The following IGF2R variants were observed in gnomAD, a reference collection of about 807,000 sequenced individuals.
The protein encoded by IGF2R is cation-independent mannose-6-phosphate receptor.
A neutral mutation model predicts 270.6 loss-of-function variants in IGF2R; 91 were observed. The observed-to-expected ratio is 0.34, with a 90% CI of 0.28 to 0.40. The LOEUF (loss-of-function observed/expected upper bound fraction) is 0.40, where lower values mean the gene tolerates loss of function less well. IGF2R is among the 10% of genes least tolerant of loss of function. IGF2R has a pLI of 1.00. For missense variants in IGF2R, 2,805 were observed against 3,188.3 expected, an observed-to-expected ratio of 0.88 and a Z score of 2.90; for synonymous variants, 1,316 against 1,258.9, an observed-to-expected ratio of 1.05 and a Z score of -0.96.
chr6:159,993,899 C>T (rs569099588), intron 2 of IGF2R, among the ~76,000 whole-genome samples: 1 of 150,444 alleles, frequency 6.6e-6, no homozygotes, highest in Non-Finnish European at 1.5e-5. Flanking sequence ...CTATAGTTTT[C>T]CTTTTTTGTT....
Position 160,078,256 on chromosome 6 carries a change from C to A in IGF2R, c.5372C>A (p.Thr1791Asn), listed in dbSNP as rs1210449057. 6.2e-7 allele frequency: 1 copy of A among 1,614,204 alleles called. No homozygotes were observed. Among genetic ancestry groups the A allele is most frequent in the Non-Finnish European group, 8.5e-7 (1 of 1,180,004 alleles). Residue 1791 changes from threonine (T) to asparagine (N), a missense_variant, in exon 37 of 48, where the codon ACT becomes AAT. By Grantham distance (65) the Thr-to-Asn change is moderately conservative. Coordinates refer to ENST00000356956, the MANE Select transcript of IGF2R (RefSeq NM_000876.4). ...SECDFVFEWETPVVCPDEVRM... is the reference protein window; with the variant it reads ...SECDFVFEWENPVVCPDEVRM... The stretch of plus-strand genomic sequence containing the variant: ...TGCGACTTTGTGTTCGAATGGGAGA[C>A]TCCTGTCGTCTGTCCTGATGAAGTG...
At chr6:159,985,335 C>T (rs1433237578) in intron 1 of IGF2R, among the ~76,000 whole-genome samples, 2 of 152,240 alleles carry the variant, frequency 1.3e-5, no homozygotes, top group Non-Finnish European at 2.9e-5. Context: ...GTGGGCCTCA[C>T]ACCGCCTAGG....
At chr6:159,997,377 C>T (rs1214754091) in intron 2 of IGF2R, among the ~76,000 whole-genome samples, 3 of 152,138 alleles carry the variant, frequency 2.0e-5, no homozygotes, top group African/African-American at 4.8e-5. Context: ...GCTGAGCTTC[C>T]CCAGGCAGTC....
intron 22 of IGF2R, 68 bp downstream of exon 22, chr6:160,059,166 CT>C: frequency 7.5e-7 from 1 of 1,328,670 alleles, no homozygotes; most frequent in Admixed American, 1.8e-5. Context: ...GGCCATGCAC[CT>C]TCCTGAGTGT....
chr6:160,064,906 G>A lies in IGF2R; in HGVS notation c.4115+5G>A. 6.3e-7 allele frequency: 1 copy of A among 1,580,500 alleles called. No homozygotes were observed. The highest frequency in any genetic ancestry group is 8.7e-7 in the Non-Finnish European group (1 of 1,149,338). On this transcript the variant is annotated splice_donor_5th_base_variant and intron_variant, in intron 29 of 47. Transcript: ENST00000356956. ...TCTGACTGAATGTTCATTCAAGTAA[G>A]TCCATGGATGTGTTGTCTCTTTTGG... is the stretch of plus-strand genomic sequence containing the variant.
In IGF2R at chr6:160,084,969, A is replaced by T. The variant is rs749310636; in HGVS notation, c.6069-26A>T. 1.9e-5 allele frequency: 30 copies of T among 1,602,948 alleles called. No individual in the cohort carries two copies. The Middle Eastern group carries it at 2.2e-3, about 116-fold the overall frequency. ...CAGAGACGTCACTTGCATGCCTTTT[A>T]CCTGCCCCTTTGTGTCGTTTTCTAG... On this transcript the variant is annotated intron_variant, in intron 40 of 47. Coordinates refer to ENST00000356956, the MANE Select transcript of IGF2R (RefSeq NM_000876.4). The surrounding 1 kb of genome is among the most constrained non-coding windows in gnomAD (Gnocchi z 4.6).
chr6:160,068,898 T>TG (rs1395097809), intron 30 of IGF2R, among the ~76,000 whole-genome samples: 1 of 152,164 alleles, frequency 6.6e-6, no homozygotes, highest in Admixed American at 6.5e-5. Context: ...TTAAGGGTGT[T>TG]AACAGTTGAT....
intron 4 of IGF2R, among the ~76,000 whole-genome samples, chr6:160,018,693 G>A (rs73021693): frequency 0.025 from 3,849 of 152,080 alleles, 59 homozygotes; most frequent in Non-Finnish European, 0.039. Context: ...CAAATAATTG[G>A]AAATTAAATA....
chr6:160,095,802 A>G (rs1207366157), intron 44 of IGF2R: 2 of 152,400 alleles, frequency 1.3e-5, no homozygotes, highest in African/African-American at 2.4e-5. Flanking sequence ...GACTTTCTTG[A>G]CTCGCTGCTT....
At position 159,991,297 on chromosome 6, in the gene IGF2R, T is replaced by G. The variant is rs763714994; in HGVS notation, c.263T>G (p.Leu88Trp). 6.2e-7 allele frequency: 1 copy of G among 1,613,606 alleles called. No individual in the cohort carries two copies. Among genetic ancestry groups the G allele is most frequent in the East Asian group, 2.2e-5 (1 of 44,866 alleles). The part of the protein sequence containing the change: ...GPSSAVCMHD[L>W]KTRTYHSVGD... ...TCAAGTGCTGTTTGTATGCACGACT[T>G]GAAGACACGCACTTATCATTCAGTG... Residue 88 changes from leucine to tryptophan, a missense_variant, in exon 2 of 48, where the codon TTG (leucine) becomes TGG (tryptophan). Around this residue, in one of 2 missense-constraint regions of IGF2R, gnomAD observed 954 missense variants for 981.1 expected, o/e 0.97. Transcript: ENST00000356956.
intron 1 of IGF2R, among the ~76,000 whole-genome samples, chr6:159,969,921 C>G (rs1783583335): frequency 6.6e-6 from 1 of 151,956 alleles, no homozygotes; most frequent in Admixed American, 6.6e-5. Flanking sequence ...CCCCCGTGGG[C>G]TCATTTTCTC....
chr6:160,052,106 G>T (rs1019524899), intron 19 of IGF2R, among the ~76,000 whole-genome samples: 15 of 152,182 alleles, frequency 9.9e-5, no homozygotes, highest in African/African-American at 3.6e-4. Context: ...GGAGGCTGAG[G>T]TGGGAGGATC....
Position 160,000,956 on chromosome 6 carries a change from T to C in IGF2R, c.290-8054T>C, listed in dbSNP as rs1402909477. On this transcript the variant is annotated intron_variant, in intron 2 of 47. Transcript: ENST00000356956. The stretch of plus-strand genomic sequence containing the variant: ...TTCACCATGTTGGCCAGGCTGGTCT[T>C]GAACTCCTGACCTCAAGTGATCCAC... Among the ~76,000 whole-genome samples, 6 of 151,824 alleles carry C rather than the reference T, an allele frequency of 4.0e-5. No homozygotes were observed. The South Asian group carries it at 1.2e-3, about 32-fold the overall frequency.
At chr6:159,981,294 AGT>A (rs1300081712) in intron 1 of IGF2R, among the ~76,000 whole-genome samples, 7 of 151,586 alleles carry the variant, frequency 4.6e-5, no homozygotes, top group East Asian at 1.9e-4. Context: ...TGTGAGTGCA[AGT>A]GTGTGTGTCT....
intron 26 of IGF2R, 115 bp from the exon 27 acceptor site, chr6:160,063,300 G>C: frequency 1.3e-6 from 1 of 786,086 alleles, no homozygotes; most frequent in East Asian, 2.5e-5. Context: ...GCCTCCCAAA[G>C]TGCTGGGATT....
rs144061264 is a variant in IGF2R at position 160,064,970 on chromosome 6, G to T, written c.4115+69G>T. 3.6e-4 allele frequency: 367 copies of T among 1,009,972 alleles called. 2 individuals are homozygous for T. The highest frequency in any genetic ancestry group is 2.2e-3 in the Middle Eastern group (11 of 4,916). 62.6% of individuals were successfully genotyped at this position (1,009,972 alleles called of 1,614,324 possible). ...GTATGATTTTGCTTTAATAATTAGT[G>T]GTCTTGGGTGCAGGGGATTAGATTA... On this transcript the variant is annotated intron_variant, in intron 29 of 47. Transcript: ENST00000356956.
intron 45 of IGF2R, among the ~76,000 whole-genome samples, chr6:160,100,108 C>G (rs550083390): frequency 1.9e-4 from 29 of 152,144 alleles, no homozygotes; most frequent in African/African-American, 6.7e-4. Context: ...AAACAAAAAT[C>G]AGATAAGTAG....
At chr6:159,980,331 C>T (rs1266919128) in intron 1 of IGF2R, among the ~76,000 whole-genome samples, 1 of 152,110 alleles carries the variant, frequency 6.6e-6, no homozygotes, top group Non-Finnish European at 1.5e-5. Flanking sequence ...TGCTTTTCCT[C>T]TTCAGGTTGC....
intron 30 of IGF2R, among the ~76,000 whole-genome samples, chr6:160,068,828 C>T (rs1259674566): frequency 6.6e-6 from 1 of 152,108 alleles, no homozygotes; most frequent in African/African-American, 2.4e-5. Context: ...TCTTTGGAGG[C>T]GCTTTACTCT....
Sources: allele counts gnomAD v4.1 joint callset (sites outside exome capture counted in the v4.1 genomes callset), GRCh38; gene constraint gnomAD v4.1.1; regional missense constraint gnomAD v4.1.1; non-coding constraint Gnocchi (gnomAD v3.1); transcripts MANE v1.5; gene names NCBI Gene and HGNC (gene_info 2026-07-23, HGNC 2026-07-21).